Variants in LIPA observed in about 807,000 individuals in gnomAD.
LIPA encodes the protein lysosomal acid lipase/cholesteryl ester hydrolase.
In LIPA, 26 loss-of-function variants were observed where a neutral mutation model predicts 40.6. The ratio of observed to expected loss-of-function variants is 0.64; its 90% CI spans 0.47 to 0.89. The LOEUF (loss-of-function observed/expected upper bound fraction) is 0.89. LIPA is among the 40% of genes least tolerant of loss of function. The probability of loss-of-function intolerance (pLI) is 0.00; values close to 1 mark genes in which losing one functional copy is unlikely to be tolerated. For missense variants in LIPA, 455 were observed against 479.6 expected (o/e 0.95, Z 0.48); for synonymous variants, 188 against 168.4 (o/e 1.12, Z -0.90).
intron 1 of LIPA, among the ~76,000 whole-genome samples, chr10:89,320,536 G>A (rs1358557824): frequency 6.6e-6 from 1 of 152,164 alleles, no homozygotes; most frequent in African/African-American, 2.4e-5. Flanking sequence ...TCTTCAAGCA[G>A]AACTACAAAC....
At chr10:89,328,627 A>G (rs1843621758) in intron 1 of LIPA, among the ~76,000 whole-genome samples, 1 of 152,220 alleles carries the variant, frequency 6.6e-6, no homozygotes, top group Non-Finnish European at 1.5e-5. Flanking sequence ...GCATTACTTT[A>G]AGGTGGGAAG....
intron 1 of LIPA, chr10:89,283,665 A>G (rs1843327065): frequency 6.6e-6 from 1 of 152,076 alleles, no homozygotes; most frequent in Non-Finnish European, 1.5e-5. Context: ...CCCTGCTGAA[A>G]TCTCCTTTCC....
At chr10:89,300,349 G>C (rs1400292520) in intron 1 of LIPA, among the ~76,000 whole-genome samples, 1 of 152,174 alleles carries the variant, frequency 6.6e-6, no homozygotes, top group African/African-American at 2.4e-5. Flanking sequence ...ATGTTTGATA[G>C]CCGACTAGGG....
intron 1 of LIPA, among the ~76,000 whole-genome samples, chr10:89,290,453 C>T (rs1409251901): frequency 6.6e-6 from 1 of 152,160 alleles, no homozygotes; most frequent in Non-Finnish European, 1.5e-5. Flanking sequence ...GCCAACACTT[C>T]AATACTATTT....
chr10:89,323,540 C>T (rs376604873), intron 1 of LIPA, among the ~76,000 whole-genome samples: 11 of 152,002 alleles, frequency 7.2e-5, no homozygotes, highest in African/African-American at 1.7e-4. Flanking sequence ...AAAACCCCCA[C>T]GTCTCTACCC....
In LIPA at chr10:89,392,455, CAA is replaced by C. The variant is rs1409428938; in HGVS notation, c.61+20334_61+20335del. 9 of 450,170 alleles carry C rather than the reference CAA, an allele frequency of 2.0e-5. 1 individual carries two copies. In the East Asian group the frequency reaches 3.5e-4, roughly 18 times the overall value. The allele number at this position is 450,170 out of a possible 1,614,324, so 27.9% of individuals were successfully genotyped here. A position where few individuals can be genotyped will look rare whatever the true frequency, so the allele number is the denominator to read the frequency against. ...CAGTTTATCTGTTTTAAAATAGAAA[CAA>C]AGTTTCATTCCCCACCCCCCCCCGT... On this transcript the variant is annotated intron_variant, in intron 2 of 8. Coordinates refer to the LIPA transcript ENST00000371837.
chr10:89,366,972 A>G (rs1182612751), intron 2 of LIPA, among the ~76,000 whole-genome samples: 1 of 152,222 alleles, frequency 6.6e-6, no homozygotes, highest in Non-Finnish European at 1.5e-5. Flanking sequence ...TGGCACATAT[A>G]CACCATGGAA....
intron 2 of LIPA, among the ~76,000 whole-genome samples, chr10:89,409,762 C>T (rs1368078411): frequency 6.6e-6 from 1 of 152,252 alleles, no homozygotes; most frequent in African/African-American, 2.4e-5. Flanking sequence ...GTTTCTCCCA[C>T]CTCCTCAGAT....
chr10:89,272,736 C>G (rs1439364813), intron 1 of LIPA, among the ~76,000 whole-genome samples: 5 of 152,246 alleles, frequency 3.3e-5, no homozygotes, highest in Non-Finnish European at 7.3e-5. Context: ...GTTCCTTTCT[C>G]TCTACAACCT....
At chr10:89,366,684 G>A (rs888900370) in intron 2 of LIPA, among the ~76,000 whole-genome samples, 2 of 152,182 alleles carry the variant, frequency 1.3e-5, no homozygotes, top group Admixed American at 1.3e-4. Context: ...AACAGGTGCT[G>A]GAGAGGATGT....
In LIPA at chr10:89,245,710, T is replaced by C; in HGVS notation, c.195A>G (p.Arg65=). 2.5e-6 allele frequency: 4 copies of C among 1,601,240 alleles called. No homozygotes were observed. Among genetic ancestry groups the C allele is most frequent in the Non-Finnish European group, 3.4e-6 (4 of 1,168,280 alleles). Residue 65 remains arginine, a synonymous_variant, in exon 3 of 10, where the codon CGA becomes CGG. Coordinates refer to ENST00000336233, the MANE Select transcript of LIPA (RefSeq NM_000235.4). ...TEDGYILCLN[R]IPHGRKNHSD... ...AATGGTTCTTCCTCCCATGAGGAAT[T>C]CGGTTAAGGCACAGAATATATCCAT... is the stretch of plus-strand genomic sequence containing the variant.
At chr10:89,248,192 C>A (rs1186156790) in intron 1 of LIPA, among the ~76,000 whole-genome samples, 2 of 140,462 alleles carry the variant, frequency 1.4e-5, no homozygotes, top group African/African-American at 5.3e-5. Flanking sequence ...TTCGGAGTCT[C>A]GCTCTGTTGC....
rs758776230 is a variant in LIPA, at chr10:89,339,874, G to A, written c.-2+2737C>T. 9 of 1,614,192 alleles carry A rather than the reference G, an allele frequency of 5.6e-6. No individual in the cohort carries two copies. The East Asian group carries it at 1.6e-4, about 28-fold the overall frequency. ...CAAAGACCAACCACAGAATGTATCTGAAAATCTGCTTCCACAAAATGCACC... is the reference window on the plus strand; with the variant it reads ...CAAAGACCAACCACAGAATGTATCTAAAAATCTGCTTCCACAAAATGCACC... On this transcript the variant is annotated intron_variant, in intron 1 of 5. Coordinates refer to the LIPA transcript ENST00000282673.
chr10:89,234,238 C>G lies in LIPA; in HGVS notation c.230-5840G>C, dbSNP rs183620581. Among the ~76,000 whole-genome samples the G allele has an allele frequency of 5.9e-5, 9 of 152,338 alleles. No individual in the cohort carries two copies. In the East Asian group the frequency reaches 1.7e-3, roughly 29 times the overall value. ...CAGTGTGCACATGAAAGCCTCCCTG[C>G]CTGATTCTGACGCGCAGCCAGGCTG... On this transcript the variant is annotated intron_variant, in intron 3 of 9. Coordinates refer to ENST00000336233, the MANE Select transcript of LIPA (RefSeq NM_000235.4).
intron 1 of LIPA, among the ~76,000 whole-genome samples, chr10:89,248,301 A>T (rs893137932): frequency 6.6e-6 from 1 of 151,170 alleles, no homozygotes; most frequent in African/African-American, 2.4e-5. Context: ...AGCTGGGACT[A>T]CAGGTGCAGG....
chr10:89,254,224 C>A (rs11203053), upstream of LIPA, among the ~76,000 whole-genome samples: 20,105 of 152,242 alleles, frequency 0.13, 1,637 homozygotes, highest in African/African-American at 0.22. Context: ...GAGGGCCCCA[C>A]CCCTGCAGCA....
chr10:89,300,708 C>T (rs549907483), intron 1 of LIPA, among the ~76,000 whole-genome samples: 9 of 152,276 alleles, frequency 5.9e-5, no homozygotes, highest in East Asian at 5.8e-4. Flanking sequence ...TTCCCCTGGC[C>T]GGGCGTGGTG....
intron 2 of LIPA, among the ~76,000 whole-genome samples, chr10:89,366,691 A>G (rs1230810981): frequency 1.3e-5 from 2 of 152,198 alleles, no homozygotes; most frequent in Non-Finnish European, 2.9e-5. Context: ...GCTGGAGAGG[A>G]TGTAGAGAAA....
intron 2 of LIPA, chr10:89,378,266 TG>T (rs552937806): frequency 1.1e-6 from 1 of 873,828 alleles, no homozygotes; most frequent in South Asian, 1.4e-5. Flanking sequence ...GTTCTGACCC[TG>T]ATAGGCACCC....
Sources: gnomAD v4.1 joint callset for allele counts (sites outside exome capture counted in the v4.1 genomes callset) on GRCh38, gnomAD v4.1.1 for gene constraint, MANE v1.5 for transcripts, NCBI Gene and HGNC (gene_info 2026-07-23, HGNC 2026-07-21) for gene names.